EYS: variants seen among roughly 807,000 people sequenced by gnomAD.
EYS encodes protein eyes shut homolog.
EYS carries 250 observed loss-of-function variants against 282.1 expected under a neutral mutation model. That is an observed-to-expected ratio of 0.89 (90% CI 0.80 to 0.98). The LOEUF is 0.98. EYS is among the 50% of genes least tolerant of loss of function. The probability of loss-of-function intolerance (pLI) is 0.00; values close to 1 mark genes in which losing one functional copy is unlikely to be tolerated. For missense variants in EYS, 4,016 were observed against 3,709.0 expected (o/e 1.08, Z -2.15); for synonymous variants, 1,355 against 1,282.9 (o/e 1.06, Z -1.20).
intron 35 of EYS, among the ~76,000 whole-genome samples, chr6:63,976,042 AAC>A (rs1418597374): frequency 2.6e-5 from 4 of 152,024 alleles, no homozygotes; most frequent in Non-Finnish European, 5.9e-5. Context: ...AGGCAATTGT[AAC>A]ACAGTGGTAT....
At chr6:65,019,298 T>C (rs1206583178) in intron 13 of EYS, among the ~76,000 whole-genome samples, 1 of 152,216 alleles carries the variant, frequency 6.6e-6, no homozygotes, top group Admixed American at 6.5e-5. Context: ...ATTATATCTC[T>C]TAAACCACTC....
chr6:65,515,780 G>A (rs1254522029), intron 2 of EYS, among the ~76,000 whole-genome samples: 1 of 129,146 alleles, frequency 7.7e-6, no homozygotes, highest in Non-Finnish European at 1.6e-5. Flanking sequence ...ATCACACTCT[G>A]GGGACTGTTG....
chr6:65,153,686 G>A (rs1764669801), intron 12 of EYS, among the ~76,000 whole-genome samples: 1 of 151,632 alleles, frequency 6.6e-6, no homozygotes, highest in African/African-American at 2.4e-5. Flanking sequence ...CAAGTGACAA[G>A]GGTGATCATC....
In EYS at chr6:64,070,528, A is replaced by G. The variant is rs185626686; in HGVS notation, c.6572-4037T>C. Among the ~76,000 whole-genome samples, 98 of 152,158 alleles carry G rather than the reference A, an allele frequency of 6.4e-4. No homozygotes were observed. The East Asian group carries it at 8.3e-3, about 13-fold the overall frequency. ...CTTGAGGTAACAGGCTTACTTTATT[A>G]CTTTTTCAGAAAATAGCTGCCAAAT... On this transcript the variant is annotated intron_variant, in intron 32 of 42. Transcript: ENST00000503581.
In EYS at chr6:64,660,836, C is replaced by T. The variant is rs141398657; in HGVS notation, c.3444-34591G>A. On this transcript the variant is annotated intron_variant, in intron 22 of 42. Transcript: ENST00000503581. ...CCCAAGGTAATTTATAGATTCAATG[C>T]CATCCCCATCAAGCTACCAATTACT... 3.7e-3 allele frequency among the ~76,000 whole-genome samples: 556 copies of T among 152,244 alleles called. 2 individuals carry two copies. Among genetic ancestry groups the T allele is most frequent in the African/African-American group, 0.012 (497 of 41,556 alleles).
chr6:63,825,341 C>G (rs1438482025), intron 36 of EYS, among the ~76,000 whole-genome samples: 2 of 152,184 alleles, frequency 1.3e-5, no homozygotes, highest in Admixed American at 6.5e-5. Flanking sequence ...AGACAAAGGG[C>G]GTATAATCTT....
intron 2 of EYS, among the ~76,000 whole-genome samples, chr6:65,583,322 G>A (rs973573694): frequency 6.6e-6 from 1 of 151,900 alleles, no homozygotes; most frequent in Non-Finnish European, 1.5e-5. Flanking sequence ...AAATGCAGAG[G>A]ATAGTTTAAT....
At chr6:65,317,926 G>A (rs140186283) in intron 11 of EYS, among the ~76,000 whole-genome samples, 2,380 of 146,410 alleles carry the variant, frequency 0.016, 60 homozygotes, top group Non-Finnish European at 0.024. Flanking sequence ...GGAGGGCAGT[G>A]GTGCGATCTC....
chr6:65,634,386 A>C lies in EYS; in HGVS notation c.-333+5392T>G, dbSNP rs537339367. On this transcript the variant is annotated intron_variant, in intron 2 of 42. Transcript: ENST00000503581. ...CAAATGTCCTGTCATTTACTGAGTC[A>C]TAACAATAGTGTTAGCTTCCATGTT... Among the ~76,000 whole-genome samples, 3 of 152,328 alleles carry C rather than the reference A, an allele frequency of 2.0e-5. No individual in the cohort carries two copies. In the South Asian group the frequency reaches 6.2e-4, roughly 32 times the overall value.
At chr6:64,924,378 G>T (rs1040264936) in intron 15 of EYS, among the ~76,000 whole-genome samples, 1 of 152,128 alleles carries the variant, frequency 6.6e-6, no homozygotes, top group Non-Finnish European at 1.5e-5. Context: ...TTTTGCTCCT[G>T]GGACTCCAGG....
intron 5 of EYS, among the ~76,000 whole-genome samples, chr6:65,437,774 A>G (rs1768130395): frequency 6.6e-6 from 1 of 152,144 alleles, no homozygotes; most frequent in Admixed American, 6.6e-5. Context: ...AACGTTTGAT[A>G]AAACAGTCTC....
chr6:65,504,119 T>A (rs1017962639), intron 2 of EYS, among the ~76,000 whole-genome samples: 1 of 151,668 alleles, frequency 6.6e-6, no homozygotes, highest in African/African-American at 2.4e-5. Context: ...AATATTCATT[T>A]AGGTTTTTAT....
intron 36 of EYS, among the ~76,000 whole-genome samples, chr6:63,851,953 CGAGACCATCCCGGCT>C (rs1247751509): frequency 6.6e-6 from 1 of 151,886 alleles, no homozygotes; most frequent in Non-Finnish European, 1.5e-5. Flanking sequence ...GTCAGGAGAT[CGAGACCATCCCGGCT>C]AAAACGGTGA....
chr6:63,969,440 A>T (rs927587020), intron 35 of EYS, among the ~76,000 whole-genome samples: 4 of 152,242 alleles, frequency 2.6e-5, no homozygotes, highest in African/African-American at 9.6e-5. Flanking sequence ...AATTCTAAGC[A>T]GAGAGAATAG....
At chr6:64,116,578 A>T (rs115193110) in intron 31 of EYS, among the ~76,000 whole-genome samples, 2 of 152,152 alleles carry the variant, frequency 1.3e-5, no homozygotes, top group African/African-American at 4.8e-5. Context: ...TCCAATCAAA[A>T]GACATAGAGT....
intron 13 of EYS, among the ~76,000 whole-genome samples, chr6:65,041,002 A>T (rs1262423399): frequency 6.6e-6 from 1 of 151,740 alleles, no homozygotes; most frequent in African/African-American, 2.4e-5. Flanking sequence ...TTAAGTCTGG[A>T]TGTAGATTGC....
chr6:63,729,840 C>T (rs918511426), intron 41 of EYS, among the ~76,000 whole-genome samples: 11 of 152,086 alleles, frequency 7.2e-5, no homozygotes, highest in Admixed American at 6.5e-4. Context: ...CTTTTCTTTC[C>T]ATTAGTGACC....
intron 26 of EYS, among the ~76,000 whole-genome samples, chr6:64,546,298 C>A (rs185701933): frequency 1.3e-5 from 2 of 152,098 alleles, no homozygotes; most frequent in South Asian, 2.1e-4. Flanking sequence ...ATAAATGGTG[C>A]TGGGAAAACT....
intron 29 of EYS, among the ~76,000 whole-genome samples, chr6:64,346,034 T>C (rs1771377271): frequency 6.6e-6 from 1 of 152,132 alleles, no homozygotes; most frequent in African/African-American, 2.4e-5. Flanking sequence ...ATGGTGATCA[T>C]TAAAAAGTCA....
Sources: allele counts gnomAD v4.1 joint callset (sites outside exome capture counted in the v4.1 genomes callset), GRCh38; gene constraint gnomAD v4.1.1; transcripts MANE v1.5; gene names NCBI Gene and HGNC (gene_info 2026-07-23, HGNC 2026-07-21).